Variants in EYS observed in about 807,000 individuals in gnomAD.
EYS encodes the protein EGF-like photoreceptor maintenance factor.
In EYS, 250 loss-of-function variants were observed where a neutral mutation model predicts 282.1. That is an observed-to-expected ratio of 0.89 (90% CI 0.80 to 0.98). The LOEUF is 0.98. Among genes scored for constraint, EYS ranks in the 50% least tolerant of loss-of-function variants. EYS has a pLI of 0.00. For missense variants in EYS, 4,016 were observed against 3,709.0 expected, an observed-to-expected ratio of 1.08 and a Z score of -2.15; for synonymous variants, 1,355 against 1,282.9, an observed-to-expected ratio of 1.06 and a Z score of -1.20.
intron 12 of EYS, among the ~76,000 whole-genome samples, chr6:65,131,021 A>G (rs1775860067): frequency 6.6e-6 from 1 of 151,538 alleles, no homozygotes; most frequent in African/African-American, 2.4e-5. Context: ...GTTTTTATAA[A>G]TTATATATAC....
chr6:64,116,598 G>C (rs1562208981), intron 31 of EYS, among the ~76,000 whole-genome samples: 1 of 151,972 alleles, frequency 6.6e-6, no homozygotes, highest in East Asian at 1.9e-4. Context: ...TAGATAAATG[G>C]GTAAGAAGAA....
chr6:64,850,804 C>A (rs1474500908), intron 19 of EYS, among the ~76,000 whole-genome samples: 2 of 151,958 alleles, frequency 1.3e-5, no homozygotes, highest in Non-Finnish European at 2.9e-5. Flanking sequence ...GAAGACCGAT[C>A]AGATAGAATA....
rs78205057 is a variant in EYS, at chr6:64,165,886, A to G, written c.6424+64706T>C. Among the ~76,000 whole-genome samples the G allele has an allele frequency of 8.1e-3, 1,227 of 152,334 alleles. 13 individuals are homozygous for G. The highest frequency in any genetic ancestry group is 0.044 in the Middle Eastern group (13 of 294). ...TGTTTATATAAGGCATTTATGCCCA[A>G]TTCTGAAAGTAGGAAAAGATAGTGC... is the stretch of plus-strand genomic sequence containing the variant. On this transcript the variant is annotated intron_variant, in intron 31 of 42. Transcript: ENST00000503581.
chr6:65,390,664 G>A (rs1163477552), intron 7 of EYS, among the ~76,000 whole-genome samples: 9 of 151,838 alleles, frequency 5.9e-5, no homozygotes, highest in Non-Finnish European at 8.8e-5. Flanking sequence ...CAGGAGGATC[G>A]CTTGACTCCA....
intron 33 of EYS, among the ~76,000 whole-genome samples, chr6:64,022,976 G>A (rs958771062): frequency 2.6e-5 from 4 of 151,956 alleles, no homozygotes; most frequent in Admixed American, 6.6e-5. Flanking sequence ...TTTTTTACTC[G>A]ACTTCAACAA....
intron 30 of EYS, among the ~76,000 whole-genome samples, chr6:64,257,881 C>G (rs1024104780): frequency 6.6e-6 from 1 of 151,934 alleles, no homozygotes; most frequent in East Asian, 1.9e-4. Flanking sequence ...GGTACATTCC[C>G]AAGACCTTAC....
At chr6:63,985,180 C>A (rs1173465491) in intron 34 of EYS, among the ~76,000 whole-genome samples, 1 of 151,576 alleles carries the variant, frequency 6.6e-6, no homozygotes, top group African/African-American at 2.4e-5. Context: ...CTTTTTAGGA[C>A]TTTTATAAAG....
chr6:64,241,726 C>T (rs1187449142), intron 30 of EYS, among the ~76,000 whole-genome samples: 2 of 150,970 alleles, frequency 1.3e-5, no homozygotes, highest in East Asian at 3.9e-4. Context: ...TATTTCTTGT[C>T]TTCTGCTAGC....
At chr6:64,941,515 C>T (rs1200466949) in intron 15 of EYS, among the ~76,000 whole-genome samples, 2 of 152,022 alleles carry the variant, frequency 1.3e-5, no homozygotes, top group Non-Finnish European at 2.9e-5. Context: ...CATGGATATA[C>T]TGCATGATGC....
chr6:65,317,687 T>C (rs1769328572), intron 11 of EYS, among the ~76,000 whole-genome samples: 1 of 152,092 alleles, frequency 6.6e-6, no homozygotes, highest in Non-Finnish European at 1.5e-5. Context: ...AAGGCTTGGC[T>C]GGGGCTGGAG....
At chr6:63,925,768 C>A (rs527352371) in intron 35 of EYS, among the ~76,000 whole-genome samples, 1 of 152,154 alleles carries the variant, frequency 6.6e-6, no homozygotes, top group Non-Finnish European at 1.5e-5. Context: ...CTCAGCCTCC[C>A]GAGTAGTTGG....
chr6:64,808,501 T>G (rs2150012759), intron 22 of EYS, among the ~76,000 whole-genome samples: 1 of 152,232 alleles, frequency 6.6e-6, no homozygotes, highest in African/African-American at 2.4e-5. Context: ...CTTATAAATT[T>G]ACAAATCTGT....
chr6:63,930,627 T>A (rs1562100919), intron 35 of EYS, among the ~76,000 whole-genome samples: 1 of 152,140 alleles, frequency 6.6e-6, no homozygotes, highest in African/African-American at 2.4e-5. Flanking sequence ...AAGAAACTTA[T>A]AAAGAAGAAT....
At chr6:64,981,629 A>G (rs114868029) in intron 14 of EYS, among the ~76,000 whole-genome samples, 2 of 151,496 alleles carry the variant, frequency 1.3e-5, no homozygotes, top group East Asian at 1.9e-4. Flanking sequence ...GATCCTGTAC[A>G]TGGTTGAGCC....
chr6:64,307,012 A>C lies in EYS; in HGVS notation c.6149T>G (p.Ile2050Ser). 1 of 1,545,270 alleles carries C rather than the reference A, an allele frequency of 6.5e-7. No individual in the cohort carries two copies. The highest frequency in any genetic ancestry group is 8.8e-7 in the Non-Finnish European group (1 of 1,142,062). The change falls in exon 30 of 43, where the codon ATT becomes AGT. Residue 2050 changes from isoleucine to serine, a missense_variant. Coordinates refer to ENST00000503581, the MANE Select transcript of EYS (RefSeq NM_001142800.2). ...VIEINNWRSFIPSKAVKNYHI... is the reference protein window; with the variant it reads ...VIEINNWRSFSPSKAVKNYHI... The stretch of plus-strand genomic sequence containing the variant: ...ATAGTTTTTCACTGCCTTGGATGGA[A>C]TGAAAGATCTCCAGTTATTTATTTC...
chr6:64,208,258 A>C (rs775305516), intron 31 of EYS, among the ~76,000 whole-genome samples: 15 of 152,062 alleles, frequency 9.9e-5, no homozygotes, highest in Non-Finnish European at 1.5e-4. Flanking sequence ...TTTCTGTCTG[A>C]TTTCCTCCAA....
At chr6:65,209,369 T>C (rs899344679) in intron 12 of EYS, among the ~76,000 whole-genome samples, 5 of 151,708 alleles carry the variant, frequency 3.3e-5, no homozygotes, top group Non-Finnish European at 5.9e-5. Flanking sequence ...AGAAAAAATA[T>C]GTGAGAATGA....
chr6:64,604,189 A>G (rs1766852900), intron 24 of EYS, among the ~76,000 whole-genome samples: 1 of 151,802 alleles, frequency 6.6e-6, no homozygotes, highest in Non-Finnish European at 1.5e-5. Context: ...ACATTGTTTT[A>G]TTTATTTTCC....
chr6:64,693,320 G>A (rs1770466001), intron 22 of EYS, among the ~76,000 whole-genome samples: 2 of 151,650 alleles, frequency 1.3e-5, no homozygotes, highest in African/African-American at 4.8e-5. Context: ...TTCTAAAATT[G>A]ATCTGGAAAA....
Sources: allele counts gnomAD v4.1 joint callset (sites outside exome capture counted in the v4.1 genomes callset), GRCh38; gene constraint gnomAD v4.1.1; transcripts MANE v1.5; gene names NCBI Gene and HGNC (gene_info 2026-07-23, HGNC 2026-07-21).